EYA1: variants seen among roughly 807,000 people sequenced by gnomAD.
EYA1 encodes protein phosphatase EYA1.
Under a neutral mutation model 82.0 loss-of-function variants are expected in EYA1, and 16 were observed. That is an observed-to-expected ratio of 0.20 (90% CI 0.13 to 0.30). EYA1 has a LOEUF of 0.30. Among genes scored for constraint, EYA1 ranks in the 10% least tolerant of loss-of-function variants. The pLI is 1.00. For synonymous variants in EYA1, 261 were observed against 264.4 expected (o/e 0.99, Z 0.12); for missense variants, 633 against 730.7 (o/e 0.87, Z 1.54).
At chr8:71,535,766 G>A (rs918083617) in exon 2 of EYA1, 3 of 1,520,346 alleles carry the variant, frequency 2.0e-6, no homozygotes, top group Non-Finnish European at 2.6e-6. Flanking sequence ...TATCCCCCGG[G>A]GGTCTTCCAT....
chr8:71,347,705 C>T (rs1186524261), intron 3 of EYA1, among the ~76,000 whole-genome samples: 13 of 151,876 alleles, frequency 8.6e-5, no homozygotes, highest in Admixed American at 8.5e-4. Context: ...CTTAAAATCC[C>T]CTTATTAGTA....
chr8:71,298,440 G>A (rs1218930568), intron 9 of EYA1, among the ~76,000 whole-genome samples: 1 of 152,186 alleles, frequency 6.6e-6, no homozygotes, highest in Non-Finnish European at 1.5e-5. Context: ...TAGAAAGAAA[G>A]AATCAATGAG....
intron 2 of EYA1, among the ~76,000 whole-genome samples, chr8:71,424,544 A>G (rs1831314135): frequency 1.3e-5 from 2 of 152,196 alleles, no homozygotes; most frequent in African/African-American, 4.8e-5. Flanking sequence ...TATGAAGCCC[A>G]CTCACATGAA....
chr8:71,250,302 G>A (rs935567813), intron 11 of EYA1, among the ~76,000 whole-genome samples: 9 of 152,156 alleles, frequency 5.9e-5, no homozygotes, highest in Non-Finnish European at 1.3e-4. Flanking sequence ...GGCCTAAACT[G>A]GGGCAAAGAA....
chr8:71,426,393 C>A (rs1467350742), intron 2 of EYA1, among the ~76,000 whole-genome samples: 3 of 152,196 alleles, frequency 2.0e-5, no homozygotes, highest in Non-Finnish European at 4.4e-5. Flanking sequence ...ACAAGATCTA[C>A]CAATTGCCAA....
chr8:71,351,972 T>C (rs1038294337), intron 3 of EYA1, among the ~76,000 whole-genome samples: 1 of 152,286 alleles, frequency 6.6e-6, no homozygotes, highest in Non-Finnish European at 1.5e-5. Flanking sequence ...TTAATTTCTA[T>C]TGGGCTGAGA....
intron 12 of EYA1, among the ~76,000 whole-genome samples, chr8:71,243,421 A>G (rs560113797): frequency 1.3e-5 from 2 of 152,258 alleles, no homozygotes; most frequent in African/African-American, 2.4e-5. Flanking sequence ...CCTTAAAAAA[A>G]TAGTAATGCC....
chr8:71,213,027 C>T (rs1370172182), intron 16 of EYA1, among the ~76,000 whole-genome samples: 1 of 151,920 alleles, frequency 6.6e-6, no homozygotes, highest in African/African-American at 2.4e-5. Flanking sequence ...GAGATGGTGC[C>T]ACTGTACTCC....
intron 1 of EYA1, among the ~76,000 whole-genome samples, chr8:71,536,925 A>G (rs545961258): frequency 5.9e-5 from 9 of 152,328 alleles, no homozygotes; most frequent in African/African-American, 2.2e-4. Context: ...TTAGTACTCT[A>G]ATCTGGAAAA....
intron 2 of EYA1, among the ~76,000 whole-genome samples, chr8:71,413,415 A>C (rs963897402): frequency 6.6e-6 from 1 of 152,144 alleles, no homozygotes; most frequent in Non-Finnish European, 1.5e-5. Flanking sequence ...ACTTTATACC[A>C]ATTGTTTTTA....
At chr8:71,413,223 C>G (rs1238945748) in intron 2 of EYA1, among the ~76,000 whole-genome samples, 1 of 152,214 alleles carries the variant, frequency 6.6e-6, no homozygotes, top group Non-Finnish European at 1.5e-5. Context: ...TTAAGAGTCT[C>G]TAAGCATCCA....
chr8:71,384,281 T>C (rs1447848864), intron 2 of EYA1, among the ~76,000 whole-genome samples: 1 of 152,216 alleles, frequency 6.6e-6, no homozygotes, highest in Non-Finnish European at 1.5e-5. Flanking sequence ...TTGAAGAGCT[T>C]AACCTCTCTG....
chr8:71,197,905 T>TTTA lies in EYA1; in HGVS notation c.*1432_*1434dup, dbSNP rs1369186451. ...CTTATGGTCTGACAAAGGTGATAAT[T>TTTA]TTATTATTTCCCCAGATTGATGCCT... On this transcript the variant is annotated 3_prime_UTR_variant, in exon 18 of 18. Transcript: ENST00000340726. 6 of 152,286 alleles carry TTTA rather than the reference T, an allele frequency of 3.9e-5. No individual in the cohort carries two copies. The highest frequency in any genetic ancestry group is 1.2e-4 in the African/African-American group (5 of 41,444). 9.4% of individuals were successfully genotyped at this position (152,286 alleles called of 1,614,324 possible). A position where few individuals can be genotyped will look rare whatever the true frequency, so the allele number is the denominator to read the frequency against.
intron 4 of EYA1, among the ~76,000 whole-genome samples, chr8:71,324,968 G>A (rs975671569): frequency 5.9e-5 from 9 of 152,168 alleles, no homozygotes; most frequent in South Asian, 2.1e-4. Context: ...ATGGCCACCT[G>A]TGCCTTCTGA....
chr8:71,483,260 A>C (rs1439132483), intron 2 of EYA1, among the ~76,000 whole-genome samples: 1 of 152,080 alleles, frequency 6.6e-6, no homozygotes, highest in Non-Finnish European at 1.5e-5. Context: ...GATAGCCACC[A>C]ACCTCCCTCT....
chr8:71,472,794 T>G (rs899339878), intron 2 of EYA1, among the ~76,000 whole-genome samples: 30 of 144,980 alleles, frequency 2.1e-4, no homozygotes, highest in African/African-American at 4.1e-4. Context: ...TGAAGATATA[T>G]ATATATATAT....
rs117619395 is a variant in EYA1 at position 71,533,098 on chromosome 8, G to A, written c.33+2646C>T. On this transcript the variant is annotated intron_variant, in intron 2 of 18. Coordinates refer to the EYA1 transcript ENST00000643681. Reference sequence around the variant, plus strand: ...GCAAAGTGGAAACAATTAGAACAGCGGTTGCCTGTGGGGTGAGAGGATGAG... The same window carrying A: ...GCAAAGTGGAAACAATTAGAACAGCAGTTGCCTGTGGGGTGAGAGGATGAG... 1.6e-4 allele frequency among the ~76,000 whole-genome samples: 25 copies of A among 152,304 alleles called. No individual in the cohort carries two copies. The East Asian group carries it at 3.3e-3, about 20-fold the overall frequency.
At chr8:71,292,467 G>A (rs1227649958) in intron 9 of EYA1, among the ~76,000 whole-genome samples, 1 of 152,022 alleles carries the variant, frequency 6.6e-6, no homozygotes, top group Non-Finnish European at 1.5e-5. Flanking sequence ...AGGAAAACTA[G>A]TTGGTTCTGA....
intron 2 of EYA1, among the ~76,000 whole-genome samples, chr8:71,438,874 G>A (rs1165838821): frequency 1.3e-5 from 2 of 152,172 alleles, no homozygotes; most frequent in African/African-American, 4.8e-5. Context: ...TTTGGAGAAT[G>A]TCTTTGTGGA....
Sources: allele counts gnomAD v4.1 joint callset (sites outside exome capture counted in the v4.1 genomes callset), GRCh38; gene constraint gnomAD v4.1.1; transcripts MANE v1.5; gene names NCBI Gene and HGNC (gene_info 2026-07-23, HGNC 2026-07-21).